Variants in KIAA1217 observed in about 807,000 individuals in gnomAD.
KIAA1217 encodes the protein KIAA1217.
Under a neutral mutation model 163.9 loss-of-function variants are expected in KIAA1217, and 88 were observed. That is an observed-to-expected ratio of 0.54 (90% confidence interval 0.45 to 0.64). The LOEUF is 0.64. Ranked by LOEUF, KIAA1217 falls within the 30% of genes least tolerant of loss-of-function variation. The pLI is 0.00. For synonymous variants in KIAA1217, 903 were observed against 923.1 expected, an observed-to-expected ratio of 0.98 and a Z score of 0.39; for missense variants, 2,372 against 2,475.0, an observed-to-expected ratio of 0.96 and a Z score of 0.88.
chr10:24,191,909 A>G (rs2066739051), intron 2 of KIAA1217, among the ~76,000 whole-genome samples: 1 of 152,142 alleles, frequency 6.6e-6, no homozygotes, highest in Non-Finnish European at 1.5e-5. Context: ...GTGCACCACC[A>G]CACCTGGCTA....
intron 6 of KIAA1217, chr10:24,481,591 A>C (rs2064706227): frequency 6.6e-6 from 1 of 152,186 alleles, no homozygotes; most frequent in South Asian, 2.1e-4. Flanking sequence ...AGGACTAATA[A>C]TACATTGTAG....
At chr10:23,779,917 A>C (rs974675117) in intron 1 of KIAA1217, among the ~76,000 whole-genome samples, 10 of 152,200 alleles carry the variant, frequency 6.6e-5, no homozygotes, top group African/African-American at 2.4e-4. Context: ...AATATTTAGT[A>C]CGGTAATAGG....
At chr10:23,927,325 G>GGGGTGTGTGT (rs71506821) in intron 1 of KIAA1217, among the ~76,000 whole-genome samples, 7 of 143,000 alleles carry the variant, frequency 4.9e-5, no homozygotes, top group Non-Finnish European at 1.1e-4. Context: ...CAAGTCATAG[G>GGGGTGTGTGT]GTGTGTGTGT....
chr10:24,392,937 TA>T (rs1382940906), intron 3 of KIAA1217, among the ~76,000 whole-genome samples: 7 of 152,156 alleles, frequency 4.6e-5, no homozygotes, highest in African/African-American at 1.2e-4. Flanking sequence ...TTACACACAT[TA>T]TTTTTTTTTA....
intron 4 of KIAA1217, among the ~76,000 whole-genome samples, chr10:24,436,778 A>T (rs944734085): frequency 6.6e-6 from 1 of 151,252 alleles, no homozygotes; most frequent in Non-Finnish European, 1.5e-5. Context: ...AAAAAAAAAA[A>T]AAAAAAGACA....
At chr10:24,067,259 C>T (rs1253966173) in intron 2 of KIAA1217, among the ~76,000 whole-genome samples, 1 of 152,038 alleles carries the variant, frequency 6.6e-6, no homozygotes, top group Non-Finnish European at 1.5e-5. Flanking sequence ...CTGTTTTTTC[C>T]CCATCTTTGT....
At chr10:24,301,058 C>A (rs1025757787) in intron 2 of KIAA1217, among the ~76,000 whole-genome samples, 4 of 152,144 alleles carry the variant, frequency 2.6e-5, no homozygotes, top group Admixed American at 2.0e-4. Context: ...AGTGATCCAC[C>A]CGCCTCAGCC....
At chr10:24,137,661 G>C (rs1418804608) in intron 2 of KIAA1217, among the ~76,000 whole-genome samples, 1 of 152,174 alleles carries the variant, frequency 6.6e-6, no homozygotes. Context: ...TTGTAACTCT[G>C]CTAGGGTATA....
At chr10:23,860,083 C>T (rs1410231840) in intron 1 of KIAA1217, among the ~76,000 whole-genome samples, 2 of 152,090 alleles carry the variant, frequency 1.3e-5, no homozygotes, top group African/African-American at 4.8e-5. Context: ...GCTAGTCCTG[C>T]CCCTCGTACG....
intron 2 of KIAA1217, among the ~76,000 whole-genome samples, chr10:24,132,796 C>T (rs537390630): frequency 2.0e-5 from 3 of 152,222 alleles, no homozygotes; most frequent in East Asian, 1.9e-4. Flanking sequence ...AAAAAGACAC[C>T]GGATGAGGCT....
At chr10:24,438,879 A>T (rs370804768) in intron 5 of KIAA1217, among the ~76,000 whole-genome samples, 3 of 152,226 alleles carry the variant, frequency 2.0e-5, no homozygotes, top group Admixed American at 1.3e-4. Context: ...TGGAAAATCT[A>T]TTCATACTCT....
At chr10:24,202,435 AC>A (rs1319134758) in intron 2 of KIAA1217, among the ~76,000 whole-genome samples, 1 of 151,948 alleles carries the variant, frequency 6.6e-6, no homozygotes, top group Non-Finnish European at 1.5e-5. Flanking sequence ...CCCTGCCAGG[AC>A]TCCAAGACAC....
At chr10:24,327,101 T>G (rs2045022516) in intron 2 of KIAA1217, among the ~76,000 whole-genome samples, 1 of 152,262 alleles carries the variant, frequency 6.6e-6, no homozygotes, top group Non-Finnish European at 1.5e-5. Context: ...ACTCATTAGA[T>G]TTATATTAGA....
upstream of KIAA1217, chr10:24,209,006 C>T (rs2067736773): frequency 4.1e-5 from 24 of 585,552 alleles, no homozygotes; most frequent in South Asian, 4.0e-4. Flanking sequence ...CCAAGAGGCC[C>T]CGCGCTGGAA....
At chr10:24,110,121 T>G (rs2062789498) in intron 2 of KIAA1217, among the ~76,000 whole-genome samples, 1 of 152,232 alleles carries the variant, frequency 6.6e-6, no homozygotes, top group Admixed American at 6.5e-5. Context: ...TGAGACAGTC[T>G]TAATTACTTG....
intron 1 of KIAA1217, among the ~76,000 whole-genome samples, chr10:23,893,564 G>T (rs573644752): frequency 1.3e-5 from 2 of 151,842 alleles, no homozygotes; most frequent in Non-Finnish European, 2.9e-5. Flanking sequence ...TGCTTTTCTA[G>T]TTCTTTTAAT....
rs569320827 is a variant in KIAA1217, at chr10:24,517,016, T to A, written c.2178-3107T>A. On this transcript the variant is annotated intron_variant, in intron 10 of 20. Coordinates refer to ENST00000376454, the MANE Select transcript of KIAA1217 (RefSeq NM_019590.5). ...CACCCAATGTCTACAAAATAAAAATTAAAATTAAAAATAAACCCTAGCCGA... is the reference window on the plus strand; with the variant it reads ...CACCCAATGTCTACAAAATAAAAATAAAAATTAAAAATAAACCCTAGCCGA... Among the ~76,000 whole-genome samples, 6 of 151,678 alleles carry A rather than the reference T, an allele frequency of 4.0e-5. No individual in the cohort carries two copies. In the East Asian group the frequency reaches 1.2e-3, roughly 29 times the overall value.
intron 2 of KIAA1217, among the ~76,000 whole-genome samples, chr10:24,017,153 A>G (rs1847520824): frequency 6.6e-6 from 1 of 151,718 alleles, no homozygotes; most frequent in Non-Finnish European, 1.5e-5. Flanking sequence ...CAGGGGCTCA[A>G]GTGAACCTCC....
chr10:24,430,749 T>A (rs767116740), intron 3 of KIAA1217, among the ~76,000 whole-genome samples: 2 of 152,212 alleles, frequency 1.3e-5, no homozygotes, highest in African/African-American at 4.8e-5. Context: ...GAGAATCTTA[T>A]GCTGCTGCTG....
Sources: gnomAD v4.1 joint callset for allele counts (sites outside exome capture counted in the v4.1 genomes callset) on GRCh38, gnomAD v4.1.1 for gene constraint, MANE v1.5 for transcripts, NCBI Gene and HGNC (gene_info 2026-07-23, HGNC 2026-07-21) for gene names.